The following PTPN9 variants were observed in gnomAD, a reference collection of about 807,000 sequenced individuals.
PTPN9 encodes the protein protein tyrosine phosphatase non-receptor type 9.
Under a neutral mutation model 69.8 loss-of-function variants are expected in PTPN9, and 26 were observed. The ratio of observed to expected loss-of-function variants is 0.37; its 90% CI spans 0.27 to 0.52. PTPN9 has a LOEUF of 0.52. PTPN9 is among the 20% of genes least tolerant of loss of function. The pLI is 0.91. For synonymous variants in PTPN9, 274 were observed against 272.5 expected, an observed-to-expected ratio of 1.01 and a Z score of -0.05; for missense variants, 549 against 740.3, an observed-to-expected ratio of 0.74 and a Z score of 3.00.
intron 9 of PTPN9, among the ~76,000 whole-genome samples, chr15:75,475,510 C>T (rs914259720): frequency 2.0e-5 from 3 of 152,002 alleles, no homozygotes; most frequent in East Asian, 3.9e-4. Flanking sequence ...ACCCAGGAGG[C>T]GGAGGTTGCA....
chr15:75,537,865 C>T (rs2074991632), intron 1 of PTPN9, among the ~76,000 whole-genome samples: 2 of 151,432 alleles, frequency 1.3e-5, no homozygotes, highest in Non-Finnish European at 2.9e-5. Context: ...TCAAGACCAG[C>T]CTGGCCAACA....
At chr15:75,487,202 A>G (rs752206293) in intron 8 of PTPN9, 1 of 152,072 alleles carries the variant, frequency 6.6e-6, no homozygotes, top group Non-Finnish European at 1.5e-5. Flanking sequence ...TTTAAAAACA[A>G]CTAAATGTCA....
At chr15:75,559,325 T>C (rs887287055) in intron 1 of PTPN9, among the ~76,000 whole-genome samples, 4 of 151,820 alleles carry the variant, frequency 2.6e-5, no homozygotes, top group Non-Finnish European at 5.9e-5. Flanking sequence ...TTTTGTCGAG[T>C]AGAAAAGGGG....
intron 7 of PTPN9, among the ~76,000 whole-genome samples, chr15:75,501,830 AAACATGGTAAGAGAAATGACAGC>A (rs1023797406): frequency 3.1e-4 from 47 of 152,268 alleles, no homozygotes; most frequent in Admixed American, 1.4e-3. Context: ...CAGCCAATTA[AAACATGGTAAGAGAAATGACAGC>A]AACATGGTAA....
At chr15:75,483,581 G>A (rs961961559) in intron 8 of PTPN9, among the ~76,000 whole-genome samples, 1 of 152,194 alleles carries the variant, frequency 6.6e-6, no homozygotes, top group African/African-American at 2.4e-5. Context: ...AAGGGTGTGA[G>A]GTTTCTTTGG....
chr15:75,541,293 G>A (rs2075007362), intron 1 of PTPN9, among the ~76,000 whole-genome samples: 1 of 151,158 alleles, frequency 6.6e-6, no homozygotes, highest in South Asian at 2.1e-4. Context: ...CACCAGCCGA[G>A]ACTGGTGTCG....
intron 1 of PTPN9, among the ~76,000 whole-genome samples, chr15:75,576,433 G>A (rs1034926031): frequency 3.9e-5 from 6 of 151,968 alleles, no homozygotes; most frequent in South Asian, 2.1e-4. Context: ...TCAGGAGGCT[G>A]AGGCAGGAGA....
chr15:75,543,337 A>C (rs1465890952), intron 1 of PTPN9, among the ~76,000 whole-genome samples: 4 of 152,114 alleles, frequency 2.6e-5, no homozygotes, highest in African/African-American at 7.2e-5. Flanking sequence ...ACTACATCAT[A>C]CTCAACACTG....
chr15:75,562,197 G>C (rs1229795902), intron 1 of PTPN9, among the ~76,000 whole-genome samples: 1 of 152,140 alleles, frequency 6.6e-6, no homozygotes, highest in African/African-American at 2.4e-5. Flanking sequence ...TCTATTCTGA[G>C]AGCTACAGCC....
chr15:75,476,845 T>G (rs2074599455), intron 9 of PTPN9, among the ~76,000 whole-genome samples: 1 of 152,188 alleles, frequency 6.6e-6, no homozygotes, highest in Admixed American at 6.6e-5. Flanking sequence ...CCTACTCTCC[T>G]GCACCACAGC....
chr15:75,527,293 A>C, intron 1 of PTPN9, 32 bp from the exon 2 acceptor site: 1 of 1,611,002 alleles, frequency 6.2e-7, no homozygotes, highest in Non-Finnish European at 8.5e-7. Flanking sequence ...AATAATTAGT[A>C]AGAAGAGAGC....
intron 1 of PTPN9, among the ~76,000 whole-genome samples, chr15:75,535,663 C>CA (rs1460152044): frequency 1.3e-5 from 2 of 152,216 alleles, no homozygotes; most frequent in Non-Finnish European, 2.9e-5. Flanking sequence ...TGTATTTCAA[C>CA]AAATATGCCA....
chr15:75,510,494 C>T (rs1429164800), intron 5 of PTPN9, among the ~76,000 whole-genome samples: 1 of 152,186 alleles, frequency 6.6e-6, no homozygotes, highest in East Asian at 1.9e-4. Flanking sequence ...ACCTTGGCAT[C>T]CCAGAGTGCT....
intron 10 of PTPN9, among the ~76,000 whole-genome samples, chr15:75,471,499 A>G (rs1324232317): frequency 6.7e-6 from 1 of 149,744 alleles, no homozygotes; most frequent in Admixed American, 6.7e-5. Flanking sequence ...GCTACTTAGG[A>G]GGCTGAGGTA....
At chr15:75,476,931 A>G (rs2074599794) in intron 9 of PTPN9, among the ~76,000 whole-genome samples, 1 of 152,180 alleles carries the variant, frequency 6.6e-6, no homozygotes, top group Admixed American at 6.5e-5. Context: ...GCATATGGTA[A>G]CTCAGTTACC....
At chr15:75,529,013 G>A (rs2074943274) in intron 1 of PTPN9, among the ~76,000 whole-genome samples, 1 of 150,406 alleles carries the variant, frequency 6.6e-6, no homozygotes, top group Non-Finnish European at 1.5e-5. Flanking sequence ...TTTTTAGATA[G>A]TCTCACTCTG....
intron 1 of PTPN9, among the ~76,000 whole-genome samples, chr15:75,550,043 G>A (rs1418932325): frequency 6.6e-6 from 1 of 150,502 alleles, no homozygotes; most frequent in Admixed American, 6.7e-5. Flanking sequence ...CAAGTACAAT[G>A]TTCAGTTTGA....
At chr15:75,517,615 C>G (rs1047770594) in intron 4 of PTPN9, among the ~76,000 whole-genome samples, 1 of 152,186 alleles carries the variant, frequency 6.6e-6, no homozygotes, top group Non-Finnish European at 1.5e-5. Flanking sequence ...ACTAAGTTAT[C>G]AAAATCTGAA....
At position 75,578,947 on chromosome 15, in the gene PTPN9, C is replaced by T. The variant is rs928615471; in HGVS notation, c.-171G>A. ...CGGCCGCAAACGCCGCTTCTGCTTC[C>T]TTAAGAAAAATCTCTCCGAACTGCC... On this transcript the variant is annotated 5_prime_UTR_variant, in exon 1 of 13. Coordinates refer to ENST00000618819, the MANE Select transcript of PTPN9 (RefSeq NM_002833.4). The T allele has an allele frequency of 3.2e-5, 10 of 314,732 alleles. No homozygotes were observed. Among genetic ancestry groups the T allele is most frequent in the East Asian group, 5.5e-5 (1 of 18,038 alleles). 19.5% of individuals were successfully genotyped at this position (314,732 alleles called of 1,614,324 possible). A position where few individuals can be genotyped will look rare whatever the true frequency, so the allele number is the denominator to read the frequency against.
Sources: allele counts gnomAD v4.1 joint callset (sites outside exome capture counted in the v4.1 genomes callset), GRCh38; gene constraint gnomAD v4.1.1; transcripts MANE v1.5; gene names NCBI Gene and HGNC (gene_info 2026-07-23, HGNC 2026-07-21).